CENATAC: variants seen among roughly 807,000 people sequenced by gnomAD.
The protein encoded by CENATAC is centrosomal AT-AC splicing factor.
A neutral mutation model predicts 53.7 loss-of-function variants in CENATAC; 53 were observed. The observed-to-expected ratio is 0.99, with a 90% CI of 0.79 to 1.24. The LOEUF is 1.24. Ranked by LOEUF, CENATAC falls within the 50% of genes most tolerant of loss-of-function variation. CENATAC has a pLI of 0.00. For synonymous variants in CENATAC, 156 were observed against 144.6 expected (o/e 1.08, Z -0.57); for missense variants, 474 against 417.8 (o/e 1.13, Z -1.17).
intron 3 of CENATAC, among the ~76,000 whole-genome samples, chr11:119,005,156 C>T (rs1942522002): frequency 6.6e-6 from 1 of 152,064 alleles, no homozygotes; most frequent in African/African-American, 2.4e-5. Context: ...CAAAACTTCT[C>T]TCTGGTCCTC....
At chr11:119,003,000 A>G (rs1265001621) in intron 3 of CENATAC, 3 of 505,290 alleles carry the variant, frequency 5.9e-6, no homozygotes, top group Non-Finnish European at 1.2e-5. Flanking sequence ...GAATTAGCCA[A>G]CTGGACTCAG....
At chr11:119,007,194 CT>C (rs932892431) in intron 3 of CENATAC, among the ~76,000 whole-genome samples, 1 of 151,828 alleles carries the variant, frequency 6.6e-6, no homozygotes, top group Admixed American at 6.6e-5. Context: ...CTTTTCGTTT[CT>C]TTTTTTTGGA....
At chr11:119,011,052 C>T (rs950439065) in intron 4 of CENATAC, among the ~76,000 whole-genome samples, 169 bp from the exon 5 acceptor site, 4 of 152,230 alleles carry the variant, frequency 2.6e-5, no homozygotes, top group Non-Finnish European at 5.9e-5. Flanking sequence ...AACACCACCA[C>T]TGATCTGACA....
Position 119,015,575 on chromosome 11 carries a change from C to T in CENATAC, c.976C>T (p.Gln326Ter), listed in dbSNP as rs782292570. 6 of 1,613,988 alleles carry T rather than the reference C, an allele frequency of 3.7e-6. No homozygotes were observed. The highest frequency in any genetic ancestry group is 4.2e-6 in the Non-Finnish European group (5 of 1,180,034). ...FKTEAAAMKK[Q>*]SHTEKS Reference sequence around the variant, plus strand: ...AACTGAAGCTGCAGCAATGAAGAAGCAGTCACATACAGAAAAAAGCTAATC... The same window carrying T: ...AACTGAAGCTGCAGCAATGAAGAAGTAGTCACATACAGAAAAAAGCTAATC... The change falls in exon 11 of 11, where the codon CAG becomes TAG. Residue 326 changes from glutamine (Q) to a stop codon, truncating the protein, a stop_gained. Coordinates refer to ENST00000334418, the MANE Select transcript of CENATAC (RefSeq NM_198489.3). LOFTEE classifies it high-confidence loss of function.
intron 3 of CENATAC, chr11:118,999,420 C>T (rs1228362740): frequency 8.2e-6 from 2 of 243,046 alleles, no homozygotes; most frequent in African/African-American, 2.2e-5. Flanking sequence ...AACTGCTGCT[C>T]AGCCAGTACC....
chr11:119,010,508 ATG>A, intron 3 of CENATAC: 1 of 485,808 alleles, frequency 2.1e-6, no homozygotes, highest in Non-Finnish European at 3.7e-6. Context: ...CTCTTGGGAG[ATG>A]TGTGTTGAAA....
At position 119,012,261 on chromosome 11, in the gene CENATAC, A is replaced by G; in HGVS notation, c.684+7A>G. ...GACATTCATTGGCCATCAGGTACAA[A>G]GGATAAGCAAGCCAGAAGAGGGCCA... On this transcript the variant is annotated splice_region_variant and intron_variant, in intron 7 of 10. Coordinates refer to ENST00000334418, the MANE Select transcript of CENATAC (RefSeq NM_198489.3). 1 of 1,613,874 alleles carries G rather than the reference A, an allele frequency of 6.2e-7. No individual in the cohort carries two copies. The highest frequency in any genetic ancestry group is 8.5e-7 in the Non-Finnish European group (1 of 1,179,900).
intron 3 of CENATAC, among the ~76,000 whole-genome samples, chr11:119,000,879 T>C (rs970763853): frequency 6.6e-6 from 1 of 152,092 alleles, no homozygotes; most frequent in African/African-American, 2.4e-5. Context: ...TGAGCCACCA[T>C]GCTTACCCCT....
At chr11:118,998,988 T>C (rs782679749) in intron 2 of CENATAC, 23 bp from the exon 3 acceptor site, 7 of 1,539,066 alleles carry the variant, frequency 4.5e-6, no homozygotes, top group Non-Finnish European at 5.4e-6. Context: ...ATAGCTGAGA[T>C]TACTTATCCT....
intron 3 of CENATAC, chr11:119,003,371 AC>A: frequency 1.9e-6 from 1 of 529,434 alleles, no homozygotes. Context: ...ACCTTTCAAC[AC>A]TGCCTTCTTG....
At chr11:119,013,334 T>C in intron 8 of CENATAC, 72 bp downstream of exon 8, 1 of 1,236,272 alleles carries the variant, frequency 8.1e-7, no homozygotes, top group South Asian at 1.3e-5. Context: ...TCTTGTTCTG[T>C]CGCCAGGCTG....
chr11:119,006,120 C>G (rs1168486057), intron 3 of CENATAC, among the ~76,000 whole-genome samples: 2 of 109,402 alleles, frequency 1.8e-5, no homozygotes, highest in Admixed American at 2.7e-4. Flanking sequence ...TGGAATCTTG[C>G]TCTGTCGCCA....
Position 119,013,235 on chromosome 11 carries a change from A to G in CENATAC, c.688A>G (p.Ile230Val), listed in dbSNP as rs1253482551. 1 of 1,608,662 alleles carries G rather than the reference A, an allele frequency of 6.2e-7. No homozygotes were observed. Among genetic ancestry groups the G allele is most frequent in the African/African-American group, 1.3e-5 (1 of 74,262 alleles). ...TTTTTCCCATTTCCAACTACAGGAT[A>G]TACCAGGAGTTGGTAACATCCACTC... ...PSLTFIGHQD[I>V]PGVGNIHSGA... is the part of the protein sequence containing the mutation. The change falls in exon 8 of 11, where the codon ATA becomes GTA. Residue 230 changes from isoleucine to valine, a missense_variant. By Grantham distance (29) the Ile-to-Val change is conservative. Transcript: ENST00000334418.
At chr11:119,011,580 T>C (rs1367334743) in intron 5 of CENATAC, among the ~76,000 whole-genome samples, 1 of 152,156 alleles carries the variant, frequency 6.6e-6, no homozygotes, top group African/African-American at 2.4e-5. Flanking sequence ...TGTTTCACCA[T>C]GTTGGCCAGG....
chr11:119,006,478 C>T (rs1200508548), intron 3 of CENATAC, among the ~76,000 whole-genome samples: 2 of 152,100 alleles, frequency 1.3e-5, no homozygotes, highest in East Asian at 1.9e-4. Flanking sequence ...CCTCGTGATC[C>T]GCCTGCCTCG....
rs117652647 is a variant in CENATAC at position 119,003,058 on chromosome 11, G to A, written c.383+3949G>A. The A allele has an allele frequency of 1.8e-4, 95 of 526,208 alleles. No homozygotes were observed. The East Asian group carries it at 3.5e-3, about 19-fold the overall frequency. 32.6% of individuals were successfully genotyped at this position (526,208 alleles called of 1,614,324 possible). On this transcript the variant is annotated intron_variant, in intron 3 of 10. Transcript: ENST00000334418. ...GGCAACATCCAAAGCATTGTAATCA[G>A]GAGCCAGTCGAACATGTTCCTTCTC... is the stretch of plus-strand genomic sequence containing the variant.
chr11:119,015,026 G>T lies in CENATAC; in HGVS notation c.748G>T (p.Glu250Ter). ...ATPPWMIQDE[E>*]YIAGNQEIGP... ...ACCTCCCTGGATGATCCAAGATGAA[G>T]AATACATTGCTGGGAACCAAGAAAT... The change falls in exon 9 of 11, where the codon GAA becomes TAA. Residue 250 changes from glutamate (E) to a stop codon, truncating the protein, a stop_gained. Transcript: ENST00000334418. LOFTEE classifies it high-confidence loss of function. 6.2e-7 allele frequency: 1 copy of T among 1,605,294 alleles called. No individual in the cohort carries two copies. The highest frequency in any genetic ancestry group is 8.5e-7 in the Non-Finnish European group (1 of 1,176,610).
intron 3 of CENATAC, chr11:119,003,351 G>A: frequency 1.9e-6 from 1 of 532,866 alleles, no homozygotes; most frequent in Non-Finnish European, 3.7e-6. Context: ...TTTTTTTTGT[G>A]GCTGTGGACA....
chr11:119,015,649 CT>C lies in CENATAC; in HGVS notation c.*52del, dbSNP rs782647993. Reference sequence around the variant, plus strand: ...GGCTAAAAGCAAAGTCAACAAACCCCTATTATACCTTCCACCAAATTCTTTA... The same window carrying C: ...GGCTAAAAGCAAAGTCAACAAACCCCATTATACCTTCCACCAAATTCTTTA... On this transcript the variant is annotated 3_prime_UTR_variant, in exon 11 of 11. Coordinates refer to ENST00000334418, the MANE Select transcript of CENATAC (RefSeq NM_198489.3). 8.7e-5 allele frequency: 134 copies of C among 1,546,930 alleles called. No homozygotes were observed. The African/African-American group carries it at 1.7e-3, about 19-fold the overall frequency.
Sources: allele counts gnomAD v4.1 joint callset (sites outside exome capture counted in the v4.1 genomes callset), GRCh38; gene constraint gnomAD v4.1.1; transcripts MANE v1.5; gene names NCBI Gene and HGNC (gene_info 2026-07-23, HGNC 2026-07-21).